Variants in RPS6KA2 observed in about 807,000 individuals in gnomAD.
The protein encoded by RPS6KA2 is ribosomal protein S6 kinase alpha-2.
A neutral mutation model predicts 91.8 loss-of-function variants in RPS6KA2; 42 were observed. The ratio of observed to expected loss-of-function variants is 0.46; its 90% CI spans 0.36 to 0.59. The LOEUF is 0.59. Ranked by LOEUF, RPS6KA2 falls within the 20% of genes least tolerant of loss-of-function variation. The pLI is 0.00. For synonymous variants in RPS6KA2, 414 were observed against 393.6 expected (o/e 1.05, Z -0.61); for missense variants, 798 against 978.5 (o/e 0.82, Z 2.46).
At chr6:166,730,939 T>C (rs1790491966) in intron 2 of RPS6KA2, among the ~76,000 whole-genome samples, 2 of 152,254 alleles carry the variant, frequency 1.3e-5, no homozygotes, top group South Asian at 4.2e-4. Flanking sequence ...CAGATCATGA[T>C]AATTAAAAAA....
intron 10 of RPS6KA2, among the ~76,000 whole-genome samples, chr6:166,478,426 G>T (rs140884656): frequency 1.2e-4 from 18 of 152,298 alleles, no homozygotes; most frequent in African/African-American, 3.6e-4. Flanking sequence ...GGCAAGGCGG[G>T]CATGACTCTG....
intron 2 of RPS6KA2, among the ~76,000 whole-genome samples, chr6:166,712,488 C>A (rs886904151): frequency 6.6e-6 from 1 of 152,250 alleles, no homozygotes; most frequent in East Asian, 1.9e-4. Context: ...GGCTTTGCAG[C>A]TATTCCTTTC....
chr6:166,649,833 T>C (rs1787793234), intron 2 of RPS6KA2, among the ~76,000 whole-genome samples: 3 of 152,296 alleles, frequency 2.0e-5, no homozygotes, highest in African/African-American at 7.2e-5. Flanking sequence ...CCTGGCACGA[T>C]TGTTTTGCTA....
At chr6:166,652,468 ACTTAG>A (rs747203632) in intron 2 of RPS6KA2, among the ~76,000 whole-genome samples, 247 of 152,156 alleles carry the variant, frequency 1.6e-3, no homozygotes, top group Non-Finnish European at 3.0e-3. Flanking sequence ...TCTTCGGGGA[ACTTAG>A]GAAAAACCAC....
intron 11 of RPS6KA2, among the ~76,000 whole-genome samples, chr6:166,467,051 CTCAT>C (rs1477855410): frequency 5.9e-5 from 9 of 152,000 alleles, no homozygotes; most frequent in Non-Finnish European, 1.2e-4. Context: ...CATTCACTCA[CTCAT>C]TGACTCACTG....
chr6:166,774,140 C>T (rs979066317), intron 2 of RPS6KA2, among the ~76,000 whole-genome samples: 4 of 152,028 alleles, frequency 2.6e-5, no homozygotes, highest in Non-Finnish European at 5.9e-5. Context: ...GTCTGGATGA[C>T]CAAGATTCAT....
chr6:166,614,236 T>G (rs929403357), intron 1 of RPS6KA2, among the ~76,000 whole-genome samples: 5 of 152,240 alleles, frequency 3.3e-5, no homozygotes, highest in Non-Finnish European at 7.3e-5. Context: ...TAGACTTGAT[T>G]TGTAGACAGA....
intron 13 of RPS6KA2, among the ~76,000 whole-genome samples, chr6:166,449,819 C>T (rs1448636107): frequency 8.2e-6 from 1 of 122,658 alleles, no homozygotes; most frequent in Non-Finnish European, 1.8e-5. Flanking sequence ...ACCATGGGAA[C>T]CACCACAGGG....
At position 166,430,336 on chromosome 6, in the gene RPS6KA2, G is replaced by A. The variant is rs191226659; in HGVS notation, c.1581+117C>T. 499 of 926,022 alleles carry A rather than the reference G, an allele frequency of 5.4e-4. 5 individuals are homozygous for A. In the African/African-American group the frequency reaches 7.7e-3, roughly 14 times the overall value. The allele number at this position is 926,022 out of a possible 1,614,324, so 57.4% of individuals were successfully genotyped here. ...GACACAAGAGAGACGATGGTGGCAC[G>A]GAAGGAATTCCAGGACAATCCGCGT... On this transcript the variant is annotated intron_variant, in intron 16 of 20. Coordinates refer to ENST00000265678, the MANE Select transcript of RPS6KA2 (RefSeq NM_021135.6).
At chr6:166,702,951 A>G in intron 2 of RPS6KA2, 1 of 593,492 alleles carries the variant, frequency 1.7e-6, no homozygotes, top group South Asian at 2.0e-5. Flanking sequence ...CGCCTTTAAA[A>G]TACACAAACA....
chr6:166,469,752 A>G, intron 11 of RPS6KA2, 89 bp downstream of exon 11: 4 of 1,182,022 alleles, frequency 3.4e-6, no homozygotes, highest in Non-Finnish European at 5.1e-6. Flanking sequence ...TGACCCGGAC[A>G]CTGAGGACCC....
chr6:166,808,949 A>G (rs1779564095), intron 2 of RPS6KA2, among the ~76,000 whole-genome samples: 1 of 152,236 alleles, frequency 6.6e-6, no homozygotes, highest in Non-Finnish European at 1.5e-5. Flanking sequence ...GCGAGACTTG[A>G]CCTAGTAAAT....
chr6:166,550,677 C>G (rs2128500164), intron 1 of RPS6KA2, among the ~76,000 whole-genome samples: 1 of 152,204 alleles, frequency 6.6e-6, no homozygotes, highest in African/African-American at 2.4e-5. Flanking sequence ...CAACAATTTA[C>G]TGGAAACTGA....
intron 2 of RPS6KA2, among the ~76,000 whole-genome samples, chr6:166,651,498 C>T (rs559829874): frequency 2.0e-5 from 3 of 152,246 alleles, no homozygotes; most frequent in African/African-American, 4.8e-5. Flanking sequence ...CTTAGCTTAA[C>T]GTTTTTCAGA....
chr6:166,819,958 C>T (rs1023857460), intron 2 of RPS6KA2, among the ~76,000 whole-genome samples: 2 of 152,126 alleles, frequency 1.3e-5, no homozygotes, highest in South Asian at 2.1e-4. Flanking sequence ...CACTTTTCTA[C>T]CCCAAGGGCA....
At position 166,821,868 on chromosome 6, in the gene RPS6KA2, G is replaced by T. The variant is rs977933905; in HGVS notation, c.123+36332C>A. On this transcript the variant is annotated intron_variant, in intron 2 of 21. Transcript: ENST00000503859. The surrounding 1 kb of genome is among the most constrained non-coding windows in gnomAD (Gnocchi z 4.1). The stretch of plus-strand genomic sequence containing the variant: ...TGTGTTGGATTCCCCACTCAGACAC[G>T]CTCTTCTCTCCTTCTTCCCCTTCTC... Among the ~76,000 whole-genome samples, 35 of 152,010 alleles carry T rather than the reference G, an allele frequency of 2.3e-4. No individual in the cohort carries two copies. The highest frequency in any genetic ancestry group is 7.7e-4 in the African/African-American group (32 of 41,372).
chr6:166,785,236 C>T (rs1013800211), intron 2 of RPS6KA2, among the ~76,000 whole-genome samples: 1 of 152,192 alleles, frequency 6.6e-6, no homozygotes, highest in Admixed American at 6.5e-5. Context: ...GGACATTCCC[C>T]GGAAAGCAGG....
chr6:166,542,943 T>C (rs1783707882), intron 1 of RPS6KA2, among the ~76,000 whole-genome samples: 2 of 152,204 alleles, frequency 1.3e-5, no homozygotes, highest in African/African-American at 4.8e-5. Context: ...AGAGAGGTCA[T>C]TCTATAAATC....
rs1014753147 is a variant in RPS6KA2, at chr6:166,493,017, C to T, written c.748-2276G>A. On this transcript the variant is annotated intron_variant, in intron 8 of 20. Transcript: ENST00000265678. The surrounding 1 kb of genome is among the most constrained non-coding windows in gnomAD (Gnocchi z 4.7). ...ACAATGCTTGGATTATAGGCGTGAGCCACTGCGCCTGGTCTGGTGATTTCT... is the reference window on the plus strand; with the variant it reads ...ACAATGCTTGGATTATAGGCGTGAGTCACTGCGCCTGGTCTGGTGATTTCT... Among the ~76,000 whole-genome samples the T allele has an allele frequency of 5.9e-5, 9 of 152,068 alleles. No homozygotes were observed. In the South Asian group the frequency reaches 1.5e-3, roughly 25 times the overall value.
Sources: gnomAD v4.1 joint callset for allele counts (sites outside exome capture counted in the v4.1 genomes callset) on GRCh38, gnomAD v4.1.1 for gene constraint, Gnocchi (gnomAD v3.1) non-coding constraint, MANE v1.5 for transcripts, NCBI Gene and HGNC (gene_info 2026-07-23, HGNC 2026-07-21) for gene names.